CDC42BPA: variants seen among roughly 807,000 people sequenced by gnomAD.
CDC42BPA encodes CDC42 binding protein kinase alpha.
In CDC42BPA, 80 loss-of-function variants were observed where a neutral mutation model predicts 223.5. The ratio of observed to expected loss-of-function variants is 0.36; its 90% CI spans 0.30 to 0.43. The LOEUF (loss-of-function observed/expected upper bound fraction) is 0.43. Ranked by LOEUF, CDC42BPA falls within the 20% of genes least tolerant of loss-of-function variation. The probability of loss-of-function intolerance (pLI) is 1.00; values close to 1 mark genes in which losing one functional copy is unlikely to be tolerated. For synonymous variants in CDC42BPA, 694 were observed against 718.6 expected (o/e 0.97, Z 0.55); for missense variants, 1,743 against 2,099.9 (o/e 0.83, Z 3.32).
intron 30 of CDC42BPA, among the ~76,000 whole-genome samples, chr1:227,026,753 A>G (rs1488882702): frequency 1.3e-5 from 2 of 152,146 alleles, no homozygotes; most frequent in East Asian, 3.8e-4. Context: ...TAGAATAATC[A>G]TAATTATTAT....
Position 227,030,464 on chromosome 1 carries a change from T to C in CDC42BPA, c.3782A>G (p.Glu1261Gly). The stretch of plus-strand genomic sequence containing the variant: ...TTCTTCGTTTCCCAAAGCAATTCTT[T>C]CATGATCTATGTAAGACATGAATGT... ...TTQAAAIIDH[E>G]RIALGNEEGL... The change falls in exon 29 of 37, where the codon GAA becomes GGA. Residue 1261 changes from glutamate to glycine, a missense_variant. Physicochemically the swap from Glu to Gly is moderately conservative, Grantham distance 98. Coordinates refer to ENST00000366766, the MANE Select transcript of CDC42BPA (RefSeq NM_001394014.1). The C allele has an allele frequency of 6.3e-7, 1 of 1,591,500 alleles. No homozygotes were observed.
intron 21 of CDC42BPA, among the ~76,000 whole-genome samples, chr1:227,059,002 A>G (rs1320336761): frequency 4.1e-5 from 4 of 97,626 alleles, no homozygotes; most frequent in Admixed American, 3.5e-4. Flanking sequence ...TTTCTACATA[A>G]TTAAAATCTC....
intron 31 of CDC42BPA, among the ~76,000 whole-genome samples, chr1:227,024,690 T>C (rs1667937790): frequency 2.6e-5 from 4 of 152,162 alleles, no homozygotes; most frequent in South Asian, 4.1e-4. Context: ...AAAATGACTA[T>C]ATATTATAAC....
Position 227,035,462 on chromosome 1 carries a change from C to A in CDC42BPA, c.3336+9G>T. The stretch of plus-strand genomic sequence containing the variant: ...AGGATTAATCTAAACCCAACTTAAT[C>A]ATACTTACCCTGACATGACCTTCAT... On this transcript the variant is annotated intron_variant, in intron 25 of 36. Coordinates refer to ENST00000366766, the MANE Select transcript of CDC42BPA (RefSeq NM_001394014.1). The A allele has an allele frequency of 6.3e-7, 1 of 1,598,650 alleles. No homozygotes were observed. Among genetic ancestry groups the A allele is most frequent in the Non-Finnish European group, 8.5e-7 (1 of 1,174,336 alleles).
intron 5 of CDC42BPA, among the ~76,000 whole-genome samples, chr1:227,174,963 G>C (rs929560646): frequency 6.6e-6 from 1 of 151,858 alleles, no homozygotes; most frequent in African/African-American, 2.4e-5. Context: ...ATTTCTCCTT[G>C]GTTTGGGGTC....
chr1:227,122,816 A>G (rs1688888177), intron 11 of CDC42BPA, among the ~76,000 whole-genome samples: 1 of 152,222 alleles, frequency 6.6e-6, no homozygotes, highest in Non-Finnish European at 1.5e-5. Context: ...ATCACGAAAA[A>G]TCCAGAATGC....
At chr1:227,302,201 A>T (rs1044183998) in intron 1 of CDC42BPA, among the ~76,000 whole-genome samples, 1 of 151,342 alleles carries the variant, frequency 6.6e-6, no homozygotes, top group South Asian at 2.1e-4. Context: ...ATCTTCATTC[A>T]CTCCTTTACC....
chr1:227,280,119 AAG>A (rs1355059042), intron 1 of CDC42BPA, among the ~76,000 whole-genome samples: 1 of 152,186 alleles, frequency 6.6e-6, no homozygotes, highest in African/African-American at 2.4e-5. Flanking sequence ...TGTATAAAAA[AAG>A]ACTTATTTTC....
intron 1 of CDC42BPA, among the ~76,000 whole-genome samples, chr1:227,314,874 C>T (rs1199473078): frequency 1.3e-5 from 2 of 151,912 alleles, no homozygotes; most frequent in Non-Finnish European, 2.9e-5. Flanking sequence ...TAAATTTCCA[C>T]CAGAGTCCCA....
chr1:227,309,390 T>C (rs1004831845), intron 1 of CDC42BPA, among the ~76,000 whole-genome samples: 1 of 152,188 alleles, frequency 6.6e-6, no homozygotes, highest in African/African-American at 2.4e-5. Flanking sequence ...CAATTATGTT[T>C]TCTCCTTAAT....
intron 5 of CDC42BPA, chr1:227,182,810 G>C (rs1668159962): frequency 6.6e-6 from 1 of 152,238 alleles, no homozygotes. Flanking sequence ...GGGCAAGCAG[G>C]TGTTAGAAGG....
chr1:227,191,979 A>AAC (rs1669790151), intron 5 of CDC42BPA, among the ~76,000 whole-genome samples: 1 of 151,402 alleles, frequency 6.6e-6, no homozygotes, highest in South Asian at 2.1e-4. Context: ...TAAAAAAAAA[A>AAC]AACTGCATTG....
At chr1:227,079,218 C>A (rs1680131962) in intron 17 of CDC42BPA, among the ~76,000 whole-genome samples, 1 of 152,126 alleles carries the variant, frequency 6.6e-6, no homozygotes, top group South Asian at 2.1e-4. Context: ...AGCTTTCATG[C>A]AAAGTGACTT....
chr1:227,193,564 C>G (rs1457151381), intron 5 of CDC42BPA: 2 of 468,476 alleles, frequency 4.3e-6, no homozygotes, highest in African/African-American at 2.0e-5. Context: ...CTTTTAGATA[C>G]TATACATGTA....
chr1:227,105,872 T>C (rs1331200320), intron 14 of CDC42BPA, among the ~76,000 whole-genome samples: 1 of 152,212 alleles, frequency 6.6e-6, no homozygotes, highest in Non-Finnish European at 1.5e-5. Flanking sequence ...GTTTCCACCT[T>C]TTGGCTACTG....
intron 1 of CDC42BPA, among the ~76,000 whole-genome samples, chr1:227,290,909 G>A (rs1689580407): frequency 6.6e-6 from 1 of 152,040 alleles, no homozygotes; most frequent in Admixed American, 6.6e-5. Context: ...TTTCGAAAAT[G>A]ATACAAATAA....
Position 227,257,426 on chromosome 1 carries a change from G to A in CDC42BPA, c.179-3271C>T, listed in dbSNP as rs568585748. The stretch of plus-strand genomic sequence containing the variant: ...TATACTTCAAACAGGTGAATTGTTT[G>A]GTATGTCAATCATGTCAGTAAAGCT... On this transcript the variant is annotated intron_variant, in intron 1 of 36. Transcript: ENST00000366766. Among the ~76,000 whole-genome samples the A allele has an allele frequency of 4.0e-5, 6 of 151,002 alleles. No homozygotes were observed. The East Asian group carries it at 7.7e-4, about 19-fold the overall frequency.
chr1:227,246,611 A>T (rs1305269905), intron 2 of CDC42BPA, among the ~76,000 whole-genome samples: 1 of 152,234 alleles, frequency 6.6e-6, no homozygotes, highest in African/African-American at 2.4e-5. Flanking sequence ...TTTGGATCTT[A>T]TCCAAGACCA....
chr1:227,237,748 A>G (rs1262335777), intron 2 of CDC42BPA, among the ~76,000 whole-genome samples: 1 of 152,160 alleles, frequency 6.6e-6, no homozygotes, highest in Non-Finnish European at 1.5e-5. Context: ...CCATTTATTA[A>G]AAGTTTTATT....
Sources: allele counts gnomAD v4.1 joint callset (sites outside exome capture counted in the v4.1 genomes callset), GRCh38; gene constraint gnomAD v4.1.1; transcripts MANE v1.5; gene names NCBI Gene and HGNC (gene_info 2026-07-23, HGNC 2026-07-21).